ABCG1: variants seen among roughly 807,000 people sequenced by gnomAD.
The protein encoded by ABCG1 is ATP-binding cassette sub-family G member 1.
In ABCG1, 29 loss-of-function variants were observed where a neutral mutation model predicts 69.2. The observed-to-expected ratio is 0.42, with a 90% CI of 0.31 to 0.57. ABCG1 has a LOEUF of 0.57. Ranked by LOEUF, ABCG1 falls within the 20% of genes least tolerant of loss-of-function variation. The pLI, the probability that ABCG1 is intolerant of heterozygous loss-of-function variation, is 0.15. For synonymous variants in ABCG1, 370 were observed against 374.8 expected, an observed-to-expected ratio of 0.99 and a Z score of 0.15; for missense variants, 718 against 898.1, an observed-to-expected ratio of 0.80 and a Z score of 2.56.
At chr21:42,259,117 C>T (rs1431952645) in intron 2 of ABCG1, among the ~76,000 whole-genome samples, 1 of 152,244 alleles carries the variant, frequency 6.6e-6, no homozygotes, top group Non-Finnish European at 1.5e-5. Flanking sequence ...CATCCCCAGC[C>T]TTAGCTGGAT....
chr21:42,251,784 C>A (rs374616937), intron 2 of ABCG1, among the ~76,000 whole-genome samples: 1 of 152,222 alleles, frequency 6.6e-6, no homozygotes, highest in African/African-American at 2.4e-5. Flanking sequence ...CCCACTGGAG[C>A]CCCTACTCTT....
At chr21:42,212,793 A>C (rs1312273137), upstream of ABCG1, among the ~76,000 whole-genome samples, 2 of 148,348 alleles carry the variant, frequency 1.3e-5, no homozygotes, top group Non-Finnish European at 3.0e-5. Context: ...TCCCGGGTTC[A>C]CACCATTCTC....
At chr21:42,205,364 T>C (rs2067535101) in intron 2 of ABCG1, among the ~76,000 whole-genome samples, 1 of 152,128 alleles carries the variant, frequency 6.6e-6, no homozygotes, top group African/African-American at 2.4e-5. Context: ...TTTGGGAGGC[T>C]GAGAAGGGCA....
rs775824838 is a variant in ABCG1, at chr21:42,225,799, T to C, written c.171T>C (p.Asp57=). The part of the protein sequence containing the change: ...DLLNGHLKKV[D]NNLTEAQRFS... ...TGAATGGACATCTGAAAAAAGTAGA[T>C]AATAACCTCACGGAAGCCCAGCGCT... Residue 57 remains aspartate (D), a synonymous_variant, in exon 2 of 15, where the codon GAT becomes GAC. Coordinates refer to ENST00000398449, the MANE Select transcript of ABCG1 (RefSeq NM_016818.3). 3.7e-6 allele frequency: 6 copies of C among 1,613,836 alleles called. No individual in the cohort carries two copies. Among genetic ancestry groups the C allele is most frequent in the Admixed American group, 1.7e-5 (1 of 59,990 alleles).
chr21:42,245,136 C>T (rs2068112608), intron 2 of ABCG1, among the ~76,000 whole-genome samples: 1 of 152,148 alleles, frequency 6.6e-6, no homozygotes, highest in Admixed American at 6.5e-5. Context: ...CCTGGAGGGG[C>T]TCCTCCAGTG....
chr21:42,203,099 A>T (rs1601326210), intron 2 of ABCG1, among the ~76,000 whole-genome samples: 1 of 152,326 alleles, frequency 6.6e-6, no homozygotes, highest in East Asian at 1.9e-4. Context: ...ACGGGCAGAA[A>T]AAAAGAAGAA....
At chr21:42,267,537 C>T (rs170439) in intron 2 of ABCG1, among the ~76,000 whole-genome samples, 58,912 of 141,232 alleles carry the variant, frequency 0.42, 11,948 homozygotes, top group Middle Eastern at 0.57. Context: ...GGTCTGGGTT[C>T]TGTCTGGGTC....
rs571246753 is a variant in ABCG1 at position 42,280,632 on chromosome 21, A to T, written c.589-1642A>T. Among the ~76,000 whole-genome samples, 3 of 152,314 alleles carry T rather than the reference A, an allele frequency of 2.0e-5. No individual in the cohort carries two copies. In the East Asian group the frequency reaches 5.8e-4, roughly 29 times the overall value. On this transcript the variant is annotated intron_variant, in intron 5 of 14. Transcript: ENST00000398449. ...CATCACTCCTGAGCGGACACTGGAG[A>T]AAGTGGGGTGGGCCCAGCTCATGGG... is the stretch of plus-strand genomic sequence containing the variant.
chr21:42,235,302 C>T (rs1328630726), intron 2 of ABCG1, among the ~76,000 whole-genome samples: 2 of 152,172 alleles, frequency 1.3e-5, no homozygotes, highest in Non-Finnish European at 2.9e-5. Flanking sequence ...GGGAACGGCC[C>T]GCGGGTGTGT....
intron 2 of ABCG1, among the ~76,000 whole-genome samples, chr21:42,227,638 G>A (rs60058778): frequency 0.098 from 14,967 of 152,252 alleles, 772 homozygotes; most frequent in South Asian, 0.14. Context: ...TTTGCAAGCA[G>A]TGAGTATCGC....
At chr21:42,263,851 G>A (rs2068455161) in intron 2 of ABCG1, among the ~76,000 whole-genome samples, 2 of 152,200 alleles carry the variant, frequency 1.3e-5, no homozygotes, top group Admixed American at 1.3e-4. Flanking sequence ...GGGAGGTGTG[G>A]GAAGAGACGA....
chr21:42,206,237 C>A (rs923885181), intron 2 of ABCG1, among the ~76,000 whole-genome samples: 1 of 152,096 alleles, frequency 6.6e-6, no homozygotes, highest in Non-Finnish European at 1.5e-5. Flanking sequence ...GTAATCCCAG[C>A]TACTCAGGAG....
chr21:42,271,192 G>T lies in ABCG1; in HGVS notation c.404+5G>T. The T allele has an allele frequency of 6.5e-7, 1 of 1,542,120 alleles. No individual in the cohort carries two copies. Reference sequence around the variant, plus strand: ...GAACATCCTGGCTGGATACAGGTGAGCAGCCCTGCCCAGGGCGCAAAGTTC... The same window carrying T: ...GAACATCCTGGCTGGATACAGGTGATCAGCCCTGCCCAGGGCGCAAAGTTC... On this transcript the variant is annotated splice_donor_5th_base_variant and intron_variant, in intron 3 of 14. Coordinates refer to ENST00000398449, the MANE Select transcript of ABCG1 (RefSeq NM_016818.3).
Position 42,296,648 on chromosome 21 carries a change from A to G in ABCG1, c.*256A>G, listed in dbSNP as rs1167355033. 1 of 478,668 alleles carries G rather than the reference A, an allele frequency of 2.1e-6. No homozygotes were observed. The allele number at this position is 478,668 out of a possible 1,614,324, so 29.7% of individuals were successfully genotyped here. A position where few individuals can be genotyped will look rare whatever the true frequency, so the allele number is the denominator to read the frequency against. On this transcript the variant is annotated 3_prime_UTR_variant, in exon 15 of 15. Coordinates refer to ENST00000398449, the MANE Select transcript of ABCG1 (RefSeq NM_016818.3). The surrounding 1 kb of genome is among the most constrained non-coding windows in gnomAD (Gnocchi z 5.4). ...GGTTTTTTTTTTTTTAACATACAGA[A>G]TTTTAAATACCACAACTGGGGCAGA...
chr21:42,286,017 C>G (rs373916489), intron 8 of ABCG1, 23 bp downstream of exon 8: 8 of 1,531,168 alleles, frequency 5.2e-6, no homozygotes. Context: ...CTGAGCAGCT[C>G]GGGGGACAGA....
At chr21:42,262,942 C>A (rs145618715) in intron 2 of ABCG1, among the ~76,000 whole-genome samples, 1 of 152,240 alleles carries the variant, frequency 6.6e-6, no homozygotes, top group Non-Finnish European at 1.5e-5. Context: ...TGGCCTCTGC[C>A]AGGGGACTGG....
chr21:42,237,222 A>G (rs2067989884), intron 2 of ABCG1, among the ~76,000 whole-genome samples: 1 of 152,226 alleles, frequency 6.6e-6, no homozygotes, highest in African/African-American at 2.4e-5. Flanking sequence ...GAGTTGGCTA[A>G]GTCTCTAGAA....
chr21:42,268,289 T>C (rs1371917434), intron 2 of ABCG1, among the ~76,000 whole-genome samples: 4 of 152,078 alleles, frequency 2.6e-5, no homozygotes, highest in African/African-American at 9.7e-5. Flanking sequence ...CATCTTCGCT[T>C]TATATTTCTG....
In ABCG1 at chr21:42,225,935, G is replaced by A. The variant is rs767915977; in HGVS notation, c.286+21G>A. ...GAAAGGTAGGGAGGGCGGCTGCTTT[G>A]TGTATCAAGCTGGGAGGAGCCTCTG... is the stretch of plus-strand genomic sequence containing the variant. On this transcript the variant is annotated intron_variant, in intron 2 of 14. Coordinates refer to ENST00000398449, the MANE Select transcript of ABCG1 (RefSeq NM_016818.3). 10 of 1,607,152 alleles carry A rather than the reference G, an allele frequency of 6.2e-6. No individual in the cohort carries two copies. In the South Asian group the frequency reaches 1.1e-4, roughly 18 times the overall value.
Sources: gnomAD v4.1 joint callset for allele counts (sites outside exome capture counted in the v4.1 genomes callset) on GRCh38, gnomAD v4.1.1 for gene constraint, Gnocchi (gnomAD v3.1) non-coding constraint, MANE v1.5 for transcripts, NCBI Gene and HGNC (gene_info 2026-07-23, HGNC 2026-07-21) for gene names.